The following ADAMTSL3 variants were observed in gnomAD, a reference collection of about 807,000 sequenced individuals.
ADAMTSL3 encodes the protein ADAMTS like 3.
A neutral mutation model predicts 201.7 loss-of-function variants in ADAMTSL3; 128 were observed. The observed-to-expected ratio is 0.63, with a 90% CI of 0.55 to 0.73. The LOEUF (loss-of-function observed/expected upper bound fraction) is 0.73, where lower values mean the gene tolerates loss of function less well. ADAMTSL3 is among the 30% of genes least tolerant of loss of function. ADAMTSL3 has a pLI of 0.00. For missense variants in ADAMTSL3, 1,990 were observed against 2,119.6 expected, an observed-to-expected ratio of 0.94 and a Z score of 1.20; for synonymous variants, 738 against 748.4, an observed-to-expected ratio of 0.99 and a Z score of 0.23.
chr15:83,711,903 T>TAA (rs2061938314), intron 3 of ADAMTSL3, among the ~76,000 whole-genome samples: 2 of 151,940 alleles, frequency 1.3e-5, no homozygotes, highest in South Asian at 4.1e-4. Flanking sequence ...TTTTATCACT[T>TAA]ACACCCTATG....
intron 5 of ADAMTSL3, among the ~76,000 whole-genome samples, chr15:83,819,150 G>A (rs962285355): frequency 4.6e-5 from 7 of 151,230 alleles, no homozygotes; most frequent in Admixed American, 2.0e-4. Context: ...GGCGCCTGTA[G>A]TCCCAGCTAC....
At chr15:83,792,942 T>C (rs1449554034) in intron 4 of ADAMTSL3, among the ~76,000 whole-genome samples, 1 of 152,130 alleles carries the variant, frequency 6.6e-6, no homozygotes, top group Non-Finnish European at 1.5e-5. Flanking sequence ...ACTAAGTGTC[T>C]ATCAGTGAAT....
chr15:83,663,827 C>T lies in ADAMTSL3; in HGVS notation c.69+7997C>T, dbSNP rs189593343. Among the ~76,000 whole-genome samples the T allele has an allele frequency of 2.4e-3, 366 of 152,338 alleles. 1 individual carries two copies. Among genetic ancestry groups the T allele is most frequent in the Admixed American group, 4.9e-3 (75 of 15,298 alleles). ...TGCAATACAGAGTTATTGGCTAGAT[C>T]CAGTGAGAATCTGGTGGGAGAATGA... On this transcript the variant is annotated intron_variant, in intron 2 of 29. Coordinates refer to ENST00000286744, the MANE Select transcript of ADAMTSL3 (RefSeq NM_207517.3).
In ADAMTSL3 at chr15:83,858,753, TG is replaced by T. The variant is rs2064794065; in HGVS notation, c.728-12del. 1.2e-6 allele frequency: 2 copies of T among 1,609,398 alleles called. No individual in the cohort carries two copies. Among genetic ancestry groups the T allele is most frequent in the Non-Finnish European group, 1.7e-6 (2 of 1,178,026 alleles). On this transcript the variant is annotated splice_polypyrimidine_tract_variant and intron_variant, in intron 7 of 29. Coordinates refer to ENST00000286744, the MANE Select transcript of ADAMTSL3 (RefSeq NM_207517.3). The stretch of plus-strand genomic sequence containing the variant: ...TACTGGTTTTATTGCAGTTGCGTTC[TG>T]TTCTTTCCCAGGAGAAGAAAATGTA...
At chr15:83,658,404 C>T (rs1396254838) in intron 2 of ADAMTSL3, among the ~76,000 whole-genome samples, 3 of 152,312 alleles carry the variant, frequency 2.0e-5, no homozygotes, top group East Asian at 1.9e-4. Flanking sequence ...CCACTGCGCC[C>T]GTCCACAAAT....
chr15:84,013,704 G>A (rs540795309), intron 23 of ADAMTSL3, among the ~76,000 whole-genome samples: 1 of 152,332 alleles, frequency 6.6e-6, no homozygotes, highest in African/African-American at 2.4e-5. Context: ...AGCCCAGGAG[G>A]TTGCAGTGAG....
In ADAMTSL3 at chr15:83,937,977, C is replaced by G. The variant is rs529141946; in HGVS notation, c.2118-4619C>G. Among the ~76,000 whole-genome samples, 12 of 150,980 alleles carry G rather than the reference C, an allele frequency of 7.9e-5. No homozygotes were observed. In the South Asian group the frequency reaches 2.5e-3, roughly 31 times the overall value. On this transcript the variant is annotated intron_variant, in intron 17 of 29. Transcript: ENST00000286744. Reference sequence around the variant, plus strand: ...AGGGAGATTAAATTGAAAGAAAACACAAAGTCATACCAAAGTCATGTCTGG... The same window carrying G: ...AGGGAGATTAAATTGAAAGAAAACAGAAAGTCATACCAAAGTCATGTCTGG...
intron 3 of ADAMTSL3, among the ~76,000 whole-genome samples, chr15:83,721,455 G>A (rs539669935): frequency 4.9e-4 from 75 of 152,208 alleles, no homozygotes; most frequent in Non-Finnish European, 8.1e-4. Flanking sequence ...TTCAGACTCA[G>A]AAGCCTCTTA....
At chr15:83,800,426 A>G (rs956029269) in intron 4 of ADAMTSL3, among the ~76,000 whole-genome samples, 1 of 152,178 alleles carries the variant, frequency 6.6e-6, no homozygotes, top group Admixed American at 6.6e-5. Flanking sequence ...ATTAGGACAC[A>G]GCAGGTGGCA....
intron 2 of ADAMTSL3, among the ~76,000 whole-genome samples, chr15:83,690,709 G>A (rs554508566): frequency 6.6e-6 from 1 of 152,120 alleles, no homozygotes; most frequent in Admixed American, 6.5e-5. Context: ...AGTTCCATGG[G>A]AGCATGGAGT....
At chr15:83,950,111 G>A (rs1195709755) in intron 19 of ADAMTSL3, among the ~76,000 whole-genome samples, 4 of 151,994 alleles carry the variant, frequency 2.6e-5, no homozygotes, top group South Asian at 4.1e-4. Flanking sequence ...TTTCCCCAAC[G>A]TTTTCTTGTA....
At chr15:83,664,564 A>G (rs531074209) in intron 2 of ADAMTSL3, among the ~76,000 whole-genome samples, 21 of 152,274 alleles carry the variant, frequency 1.4e-4, no homozygotes, top group African/African-American at 4.3e-4. Flanking sequence ...CCATTCAGCC[A>G]CTAACTCCCA....
intron 4 of ADAMTSL3, among the ~76,000 whole-genome samples, chr15:83,776,942 G>A (rs890549017): frequency 4.6e-5 from 3 of 65,306 alleles, no homozygotes; most frequent in Non-Finnish European, 8.5e-5. Flanking sequence ...ATGAGAGTGA[G>A]CAGAATGGCA....
At chr15:83,876,016 G>C (rs187648534) in intron 9 of ADAMTSL3, among the ~76,000 whole-genome samples, 2 of 150,254 alleles carry the variant, frequency 1.3e-5, no homozygotes, top group African/African-American at 2.5e-5. Flanking sequence ...TTTTCTTTTC[G>C]GTGGTAATGG....
chr15:83,821,755 G>C (rs1299002794), intron 6 of ADAMTSL3, among the ~76,000 whole-genome samples: 3 of 152,172 alleles, frequency 2.0e-5, no homozygotes, highest in African/African-American at 7.2e-5. Flanking sequence ...ATGAGCTGTT[G>C]GGTACACCTC....
At chr15:83,785,464 T>G (rs1034266304) in intron 4 of ADAMTSL3, among the ~76,000 whole-genome samples, 1 of 152,224 alleles carries the variant, frequency 6.6e-6, no homozygotes, top group Admixed American at 6.5e-5. Flanking sequence ...CGGTGTTGCT[T>G]ATAGACCTCC....
At chr15:83,906,362 C>G (rs1211166887) in intron 15 of ADAMTSL3, among the ~76,000 whole-genome samples, 1 of 151,890 alleles carries the variant, frequency 6.6e-6, no homozygotes, top group Non-Finnish European at 1.5e-5. Context: ...TTGAGTCTTC[C>G]CATTCAGGGG....
At chr15:83,724,901 T>C (rs932342859) in intron 3 of ADAMTSL3, among the ~76,000 whole-genome samples, 3 of 152,178 alleles carry the variant, frequency 2.0e-5, no homozygotes, top group African/African-American at 7.2e-5. Context: ...TTTTTATGGC[T>C]GAAGAGTACT....
intron 27 of ADAMTSL3, among the ~76,000 whole-genome samples, chr15:84,028,638 C>T (rs976105136): frequency 6.6e-6 from 1 of 152,132 alleles, no homozygotes; most frequent in Non-Finnish European, 1.5e-5. Flanking sequence ...GGACTTAAAC[C>T]CAATTGATTC....
Sources: gnomAD v4.1 joint callset for allele counts (sites outside exome capture counted in the v4.1 genomes callset) on GRCh38, gnomAD v4.1.1 for gene constraint, MANE v1.5 for transcripts, NCBI Gene and HGNC (gene_info 2026-07-23, HGNC 2026-07-21) for gene names.